The following KCNAB2 variants were observed in gnomAD, a reference collection of about 807,000 sequenced individuals.
KCNAB2 encodes the protein voltage-gated potassium channel subunit beta-2.
In KCNAB2, 29 loss-of-function variants were observed where a neutral mutation model predicts 63.6. That is an observed-to-expected ratio of 0.46 (90% CI 0.34 to 0.62). The LOEUF (loss-of-function observed/expected upper bound fraction) is 0.62, where lower values mean the gene tolerates loss of function less well. Ranked by LOEUF, KCNAB2 falls within the 20% of genes least tolerant of loss-of-function variation. KCNAB2 has a pLI of 0.01. For synonymous variants in KCNAB2, 222 were observed against 224.2 expected (o/e 0.99, Z 0.09); for missense variants, 359 against 563.9 (o/e 0.64, Z 3.68).
chr1:6,036,989 C>T (rs1403074171), intron 1 of KCNAB2, among the ~76,000 whole-genome samples: 2 of 152,162 alleles, frequency 1.3e-5, no homozygotes, highest in East Asian at 1.9e-4. Flanking sequence ...TGAGAGGATT[C>T]GTAAACAGGC....
intron 1 of KCNAB2, among the ~76,000 whole-genome samples, chr1:6,046,442 C>G (rs1040883791): frequency 4.6e-5 from 7 of 152,212 alleles, no homozygotes; most frequent in Non-Finnish European, 8.8e-5. Context: ...CTGCTCACAG[C>G]CCAGACCTGC....
At position 6,046,034 on chromosome 1, in the gene KCNAB2, G is replaced by A. The variant is rs1660892359; in HGVS notation, c.-176G>A. 1.0e-6 allele frequency: 1 copy of A among 985,328 alleles called. No individual in the cohort carries two copies. The highest frequency in any genetic ancestry group is 1.7e-5 in the African/African-American group (1 of 57,242). 61.0% of individuals were successfully genotyped at this position (985,328 alleles called of 1,614,324 possible). On this transcript the variant is annotated 5_prime_UTR_variant, in exon 1 of 16. Transcript: ENST00000378083. Reference sequence around the variant, plus strand: ...CGCTGCCTCAAAACTCGACTCTGGTGGGACTCATCTCATTCACCAATTGCT... The same window carrying A: ...CGCTGCCTCAAAACTCGACTCTGGTAGGACTCATCTCATTCACCAATTGCT...
intron 1 of KCNAB2, among the ~76,000 whole-genome samples, chr1:5,998,708 A>C (rs998281741): frequency 4.6e-5 from 7 of 152,164 alleles, no homozygotes. Context: ...CTCTGTTGAG[A>C]GGGGAAGCAG....
At position 6,087,830 on chromosome 1, in the gene KCNAB2, A is replaced by G. The variant is rs1375537075; in HGVS notation, c.470+319A>G. ...TCGCTTAACTTTCCTTTTTACTCAC[A>G]TGGATTATTTTTTCCTGGTCACTAT... On this transcript the variant is annotated intron_variant, in intron 7 of 15. Coordinates refer to ENST00000378083, the MANE Select transcript of KCNAB2 (RefSeq NM_001199862.2). The surrounding 1 kb of genome is among the most constrained non-coding windows in gnomAD (Gnocchi z 6.4). Among the ~76,000 whole-genome samples the G allele has an allele frequency of 6.6e-6, 1 of 152,184 alleles. No individual in the cohort carries two copies. Among genetic ancestry groups the G allele is most frequent in the African/African-American group, 2.4e-5 (1 of 41,446 alleles).
At chr1:6,089,863 A>G (rs1665034356) in intron 8 of KCNAB2, among the ~76,000 whole-genome samples, 1 of 152,036 alleles carries the variant, frequency 6.6e-6, no homozygotes, top group Non-Finnish European at 1.5e-5. Context: ...ACATCTGGTT[A>G]ATTTTTTTTG....
chr1:6,044,346 G>T (rs532510095), upstream of KCNAB2, among the ~76,000 whole-genome samples: 7 of 152,322 alleles, frequency 4.6e-5, no homozygotes, highest in African/African-American at 1.7e-4. Context: ...GTCCAAGGAA[G>T]GAGGGGCCAC....
rs1460107064 is a variant in KCNAB2, at chr1:6,086,172, G to A, written c.425+924G>A. The A allele has an allele frequency of 3.0e-6, 3 of 985,298 alleles. No individual in the cohort carries two copies. Among genetic ancestry groups the A allele is most frequent in the Non-Finnish European group, 3.6e-6 (3 of 829,930 alleles). The allele number at this position is 985,298 out of a possible 1,614,324, so 61.0% of individuals were successfully genotyped here. On this transcript the variant is annotated intron_variant, in intron 6 of 15. Coordinates refer to ENST00000378083, the MANE Select transcript of KCNAB2 (RefSeq NM_001199862.2). This position sits in a 1 kb window ranked among gnomAD's most constrained non-coding sequence, Gnocchi z 4.2. ...TTTATTTTCAGAAACATCAGAAGCAGTTATAAAGTTGGGCCTCCCTCCTCC... is the reference window on the plus strand; with the variant it reads ...TTTATTTTCAGAAACATCAGAAGCAATTATAAAGTTGGGCCTCCCTCCTCC...
intron 5 of KCNAB2, among the ~76,000 whole-genome samples, chr1:6,083,086 C>T (rs3789540): frequency 0.14 from 21,615 of 152,148 alleles, 1,934 homozygotes; most frequent in East Asian, 0.26. Flanking sequence ...TGGGGGCTGC[C>T]GCTGGGACCC....
Position 6,071,629 on chromosome 1 carries a change from G to A in KCNAB2, c.219-1126G>A, listed in dbSNP as rs1049775778. 8.5e-5 allele frequency among the ~76,000 whole-genome samples: 13 copies of A among 152,308 alleles called. No homozygotes were observed. Among genetic ancestry groups the A allele is most frequent in the Admixed American group, 5.2e-4 (8 of 15,304 alleles). ...GAATCGATGTCACGACAAGCAAGGCGCCTGCTGCGTAGGGCACCTGCCGCT... is the reference window on the plus strand; with the variant it reads ...GAATCGATGTCACGACAAGCAAGGCACCTGCTGCGTAGGGCACCTGCCGCT... On this transcript the variant is annotated intron_variant, in intron 2 of 15. Coordinates refer to ENST00000378083, the MANE Select transcript of KCNAB2 (RefSeq NM_001199862.2). The surrounding 1 kb of genome is among the most constrained non-coding windows in gnomAD (Gnocchi z 8.5).
chr1:6,036,632 G>T (rs961216181), intron 1 of KCNAB2, among the ~76,000 whole-genome samples: 6 of 152,222 alleles, frequency 3.9e-5, no homozygotes, highest in Admixed American at 1.3e-4. Context: ...AGTGGGTGTG[G>T]GGCTGGGGAC....
Position 6,078,210 on chromosome 1 carries a change from C to T in KCNAB2, c.301-3985C>T, listed in dbSNP as rs149695387. Among the ~76,000 whole-genome samples the T allele has an allele frequency of 2.8e-3, 430 of 152,332 alleles. 2 individuals carry two copies. Among genetic ancestry groups the T allele is most frequent in the African/African-American group, 9.9e-3 (412 of 41,564 alleles). On this transcript the variant is annotated intron_variant, in intron 4 of 15. Transcript: ENST00000378083. The surrounding 1 kb of genome is among the most constrained non-coding windows in gnomAD (Gnocchi z 4.2). Reference sequence around the variant, plus strand: ...CCCTGTGGATACTCTCCGTCCTCCTCTTCTGTCAGTCAAGTCTCCGTCTGT... The same window carrying T: ...CCCTGTGGATACTCTCCGTCCTCCTTTTCTGTCAGTCAAGTCTCCGTCTGT...
intron 10 of KCNAB2, among the ~76,000 whole-genome samples, chr1:6,091,574 G>A (rs1275621457): frequency 4.0e-5 from 6 of 148,806 alleles, no homozygotes; most frequent in African/African-American, 9.9e-5. Context: ...GCTGAGCTCC[G>A]CGGCGGCCGG....
chr1:6,012,811 G>A (rs1346255402), intron 1 of KCNAB2, among the ~76,000 whole-genome samples: 1 of 151,978 alleles, frequency 6.6e-6, no homozygotes, highest in East Asian at 1.9e-4. Context: ...TAGAGGTGGA[G>A]GTGACAGCAG....
chr1:6,096,240 TG>T lies in KCNAB2; in HGVS notation c.949-389del, dbSNP rs1473829012. 2.1e-5 allele frequency: 9 copies of T among 433,730 alleles called. No homozygotes were observed. Among genetic ancestry groups the T allele is most frequent in the South Asian group, 4.9e-5 (3 of 61,454 alleles). 26.9% of individuals were successfully genotyped at this position (433,730 alleles called of 1,614,324 possible). On this transcript the variant is annotated intron_variant, in intron 13 of 15. Transcript: ENST00000378083. The surrounding 1 kb of genome is among the most constrained non-coding windows in gnomAD (Gnocchi z 5.9). ...CCCTCCAGGAGGCCCTGCAATCCTC[TG>T]GGGGGGATGGCCAGGGGAGAGAGCA...
rs34852966 is a variant in KCNAB2, at chr1:6,074,954, G to GAAA, written c.300+1197_300+1199dup. 1.5e-5 allele frequency among the ~76,000 whole-genome samples: 2 copies of GAAA among 136,080 alleles called. No homozygotes were observed. Among genetic ancestry groups the GAAA allele is most frequent in the Non-Finnish European group, 1.6e-5 (1 of 62,908 alleles). The allele number at this position is 136,080 out of a possible 152,430, so 89.3% of individuals were successfully genotyped here. ...AGGCCGTAGAGTAAGACTCTGTCTC[G>GAAA]AAAAAAAAAAAAAAAGACAATAGCT... is the stretch of plus-strand genomic sequence containing the variant. On this transcript the variant is annotated intron_variant, in intron 4 of 15. Transcript: ENST00000378083. The surrounding 1 kb of genome is among the most constrained non-coding windows in gnomAD (Gnocchi z 4.9).
intron 1 of KCNAB2, among the ~76,000 whole-genome samples, chr1:6,037,935 C>T (rs1422027472): frequency 7.2e-6 from 1 of 138,978 alleles, no homozygotes; most frequent in Non-Finnish European, 1.5e-5. Flanking sequence ...AGTGCAGTGG[C>T]GCGAACTCGG....
chr1:6,040,751 C>CT, intron 2 of KCNAB2: 1 of 669,170 alleles, frequency 1.5e-6, no homozygotes, highest in Middle Eastern at 4.0e-4. Flanking sequence ...AGGGCCCAAG[C>CT]AGGGCCCACA....
chr1:6,089,287 A>G (rs1351962686), intron 8 of KCNAB2, among the ~76,000 whole-genome samples: 2 of 152,194 alleles, frequency 1.3e-5, no homozygotes, highest in East Asian at 1.9e-4. Flanking sequence ...CTGGGTTTCA[A>G]TCCAGGTTTG....
chr1:6,089,218 A>C (rs1664970241), intron 8 of KCNAB2, among the ~76,000 whole-genome samples, 167 bp downstream of exon 8: 1 of 152,230 alleles, frequency 6.6e-6, no homozygotes, highest in Admixed American at 6.5e-5. Context: ...CAGGTAGCAC[A>C]GCGGGACGCT....
Sources: allele counts gnomAD v4.1 joint callset (sites outside exome capture counted in the v4.1 genomes callset), GRCh38; gene constraint gnomAD v4.1.1; non-coding constraint Gnocchi (gnomAD v3.1); transcripts MANE v1.5; gene names NCBI Gene and HGNC (gene_info 2026-07-23, HGNC 2026-07-21).